XIRP2: variants seen among roughly 807,000 people sequenced by gnomAD.
XIRP2 encodes the protein xin actin-binding repeat-containing protein 2.
Under a neutral mutation model 277.0 loss-of-function variants are expected in XIRP2, and 236 were observed. The observed-to-expected ratio is 0.85, with a 90% CI of 0.77 to 0.95. The LOEUF (loss-of-function observed/expected upper bound fraction) is 0.95. Ranked by LOEUF, XIRP2 falls within the 40% of genes least tolerant of loss-of-function variation. The pLI is 0.00. For synonymous variants in XIRP2, 1,490 were observed against 1,416.5 expected (o/e 1.05, Z -1.17); for missense variants, 4,640 against 4,157.5 (o/e 1.12, Z -3.19).
Position 167,113,623 on chromosome 2 carries a change from G to T in XIRP2, c.409-22286G>T, listed in dbSNP as rs185187194. ...TTTCCACTCTGTGCTTTTTAATTGG[G>T]GCATTTAAACTGTTTTCATTTAAGG... On this transcript the variant is annotated intron_variant, in intron 2 of 10. Transcript: ENST00000409195. 1.6e-4 allele frequency among the ~76,000 whole-genome samples: 24 copies of T among 152,096 alleles called. No homozygotes were observed. The East Asian group carries it at 4.3e-3, about 27-fold the overall frequency.
intron 2 of XIRP2, among the ~76,000 whole-genome samples, chr2:167,068,657 A>G (rs1212804733): frequency 6.7e-6 from 1 of 149,668 alleles, no homozygotes; most frequent in Non-Finnish European, 1.5e-5. Context: ...AGAATGTTTT[A>G]GCTTGAGTAT....
chr2:166,931,178 G>A (rs768845588), intron 2 of XIRP2, among the ~76,000 whole-genome samples: 1 of 150,972 alleles, frequency 6.6e-6, no homozygotes, highest in Admixed American at 6.6e-5. Flanking sequence ...ATAATATGAA[G>A]ACTAAACAAA....
chr2:167,144,238 T>C (rs1003841215), intron 3 of XIRP2, among the ~76,000 whole-genome samples: 12 of 152,130 alleles, frequency 7.9e-5, no homozygotes, highest in African/African-American at 2.9e-4. Flanking sequence ...AGCCACGTGT[T>C]TCTATTTTTG....
At chr2:167,070,709 G>A (rs1689416113) in intron 2 of XIRP2, among the ~76,000 whole-genome samples, 1 of 152,090 alleles carries the variant, frequency 6.6e-6, no homozygotes, top group Non-Finnish European at 1.5e-5. Flanking sequence ...ATGTCTGTTG[G>A]TGGAAAGTTG....
intron 2 of XIRP2, among the ~76,000 whole-genome samples, chr2:167,068,973 A>G (rs1041816593): frequency 6.6e-6 from 1 of 152,148 alleles, no homozygotes; most frequent in African/African-American, 2.4e-5. Context: ...CTTATCTTCT[A>G]TTATAGAGGA....
chr2:167,012,295 T>C (rs1215691246), intron 2 of XIRP2, among the ~76,000 whole-genome samples: 1 of 151,946 alleles, frequency 6.6e-6, no homozygotes, highest in South Asian at 2.1e-4. Flanking sequence ...AACATCTTTA[T>C]TTCTGCCTTC....
intron 3 of XIRP2, among the ~76,000 whole-genome samples, chr2:167,154,828 A>G (rs1692134858): frequency 6.6e-6 from 1 of 152,140 alleles, no homozygotes; most frequent in Non-Finnish European, 1.5e-5. Context: ...GAAAGGATCA[A>G]CAAAATTGAT....
At chr2:167,201,889 G>A (rs374554112) in intron 3 of XIRP2, among the ~76,000 whole-genome samples, 2 of 152,130 alleles carry the variant, frequency 1.3e-5, no homozygotes, top group Non-Finnish European at 2.9e-5. Context: ...AGAGTTGAAA[G>A]TTGTATGCAG....
At chr2:166,969,544 T>TAA (rs397986571) in intron 2 of XIRP2, among the ~76,000 whole-genome samples, 21 of 147,486 alleles carry the variant, frequency 1.4e-4, no homozygotes, top group Non-Finnish European at 2.3e-4. Context: ...GATATTACAA[T>TAA]AAAAAAAAAA....
chr2:167,178,256 G>A (rs2105354797), intron 3 of XIRP2, among the ~76,000 whole-genome samples: 1 of 152,198 alleles, frequency 6.6e-6, no homozygotes, highest in Non-Finnish European at 1.5e-5. Flanking sequence ...CTTTTTTAGA[G>A]AAGATGTTTT....
intron 2 of XIRP2, among the ~76,000 whole-genome samples, chr2:166,940,515 A>G (rs1024886000): frequency 9.9e-5 from 15 of 152,120 alleles, no homozygotes; most frequent in African/African-American, 3.6e-4. Context: ...GGAGGTGGAG[A>G]GTCACTCTGA....
chr2:166,907,381 A>G (rs1684551450), intron 2 of XIRP2, among the ~76,000 whole-genome samples: 1 of 152,174 alleles, frequency 6.6e-6, no homozygotes, highest in Non-Finnish European at 1.5e-5. Flanking sequence ...TGTGTAACAA[A>G]CCACCCCAAA....
At chr2:167,142,815 A>G (rs1361688350) in intron 3 of XIRP2, among the ~76,000 whole-genome samples, 27 of 152,186 alleles carry the variant, frequency 1.8e-4, no homozygotes, top group Admixed American at 1.8e-3. Context: ...TGGTGATACA[A>G]TCCTAGCAAG....
At chr2:166,906,374 A>G (rs538628499) in intron 2 of XIRP2, among the ~76,000 whole-genome samples, 1 of 152,194 alleles carries the variant, frequency 6.6e-6, no homozygotes, top group East Asian at 1.9e-4. Flanking sequence ...ACATAAACAT[A>G]CACATATACA....
chr2:167,079,288 T>A (rs778008775), intron 2 of XIRP2, among the ~76,000 whole-genome samples: 1 of 152,208 alleles, frequency 6.6e-6, no homozygotes. Flanking sequence ...TGTTGGCATG[T>A]GTTTTTCTTT....
At chr2:167,064,969 T>C (rs529950929) in intron 2 of XIRP2, among the ~76,000 whole-genome samples, 37 of 152,064 alleles carry the variant, frequency 2.4e-4, no homozygotes, top group Non-Finnish European at 1.6e-4. Flanking sequence ...AATATGGCTG[T>C]ACAGAAATAT....
chr2:167,254,146 C>T lies in XIRP2; in HGVS notation c.*20C>T. ...TCATAAGTCCTGCTTCCGATGCCACCATTGCAACAGTAAACTAAGGTAAAA... is the reference window on the plus strand; with the variant it reads ...TCATAAGTCCTGCTTCCGATGCCACTATTGCAACAGTAAACTAAGGTAAAA... On this transcript the variant is annotated 3_prime_UTR_variant, in exon 10 of 11. Coordinates refer to ENST00000409195, the MANE Select transcript of XIRP2 (RefSeq NM_152381.6). 2 of 1,609,582 alleles carry T rather than the reference C, an allele frequency of 1.2e-6. No individual in the cohort carries two copies. Among genetic ancestry groups the T allele is most frequent in the Non-Finnish European group, 1.7e-6 (2 of 1,177,700 alleles).
chr2:167,169,818 T>C (rs922070689), intron 3 of XIRP2, among the ~76,000 whole-genome samples: 1 of 152,212 alleles, frequency 6.6e-6, no homozygotes. Context: ...TTATTAGTTA[T>C]AGTAATTTTT....
At chr2:167,070,903 G>T (rs1483723788) in intron 2 of XIRP2, among the ~76,000 whole-genome samples, 1 of 152,118 alleles carries the variant, frequency 6.6e-6, no homozygotes, top group Non-Finnish European at 1.5e-5. Flanking sequence ...CTTCTTGAGA[G>T]TTTATCTGTT....
Sources: allele counts gnomAD v4.1 joint callset (sites outside exome capture counted in the v4.1 genomes callset), GRCh38; gene constraint gnomAD v4.1.1; transcripts MANE v1.5; gene names NCBI Gene and HGNC (gene_info 2026-07-23, HGNC 2026-07-21).